SYCP2: variants seen among roughly 807,000 people sequenced by gnomAD.
The protein encoded by SYCP2 is synaptonemal complex protein 2.
In SYCP2, 55 loss-of-function variants were observed where a neutral mutation model predicts 211.3. That is an observed-to-expected ratio of 0.26 (90% confidence interval 0.21 to 0.33). The LOEUF (loss-of-function observed/expected upper bound fraction) is 0.33. SYCP2 is among the 10% of genes least tolerant of loss of function. The pLI is 1.00. For synonymous variants in SYCP2, 570 were observed against 555.2 expected, an observed-to-expected ratio of 1.03 and a Z score of -0.37; for missense variants, 1,731 against 1,752.0, an observed-to-expected ratio of 0.99 and a Z score of 0.21.
intron 15 of SYCP2, among the ~76,000 whole-genome samples, chr20:59,904,171 C>T (rs2060169716): frequency 6.6e-6 from 1 of 152,134 alleles, no homozygotes; most frequent in Admixed American, 6.6e-5. Context: ...AGGAGCTGGA[C>T]CAAACCTGAT....
intron 1 of SYCP2, among the ~76,000 whole-genome samples, chr20:59,932,920 C>T (rs1047008482): frequency 6.6e-6 from 1 of 152,122 alleles, no homozygotes; most frequent in African/African-American, 2.4e-5. Context: ...TGCGCGCACT[C>T]CCTTCTTCCC....
At chr20:59,869,573 CTATT>C (rs2059410592) in intron 36 of SYCP2, among the ~76,000 whole-genome samples, 1 of 151,724 alleles carries the variant, frequency 6.6e-6, no homozygotes, top group Admixed American at 6.6e-5. Context: ...GGTATCCTCA[CTATT>C]TAAGACCTTA....
At chr20:59,896,325 C>T (rs1268803190) in intron 19 of SYCP2, 104 bp downstream of exon 19, 12 of 621,208 alleles carry the variant, frequency 1.9e-5, no homozygotes, top group East Asian at 2.8e-5. Context: ...AATTTTTATA[C>T]ACCAAACTTA....
At chr20:59,926,223 C>CAA (rs1423515655) in intron 2 of SYCP2, among the ~76,000 whole-genome samples, 11 of 152,188 alleles carry the variant, frequency 7.2e-5, no homozygotes, top group African/African-American at 2.6e-4. Flanking sequence ...TGTGGACTCT[C>CAA]ACTGTATTAA....
chr20:59,919,504 C>A lies in SYCP2; in HGVS notation c.391G>T (p.Asp131Tyr). 1 of 1,581,762 alleles carries A rather than the reference C, an allele frequency of 6.3e-7. No individual in the cohort carries two copies. Among genetic ancestry groups the A allele is most frequent in the East Asian group, 2.3e-5 (1 of 44,352 alleles). Residue 131 changes from aspartate to tyrosine, a missense_variant, in exon 6 of 45, where the codon GAT (aspartate) becomes TAT (tyrosine). Asp to Tyr is a radical substitution (Grantham distance 160). Coordinates refer to ENST00000357552, the MANE Select transcript of SYCP2 (RefSeq NM_014258.4). ...AVLNMIEDLV[D>Y]LLLVIHDVSD... ...AATGTGATTTTTACCAGCAGAAGAT[C>A]AACTAAGTCTTCTATCATATTTAGA...
In SYCP2 at chr20:59,892,334, T is replaced by C; in HGVS notation, c.2020A>G (p.Lys674Glu). Residue 674 changes from lysine (K) to glutamate (E), a missense_variant, in exon 24 of 45, where the codon AAA becomes GAA. Coordinates refer to ENST00000357552, the MANE Select transcript of SYCP2 (RefSeq NM_014258.4). ...SEGTGKVKYK[K>E]EQTDHIKIDK... ...ATTTTGATATGGTCGGTTTGTTCTT[T>C]CTTATATTTCACTTTTCCTGTTCCT... The C allele has an allele frequency of 6.2e-6, 10 of 1,607,320 alleles. No homozygotes were observed. Among genetic ancestry groups the C allele is most frequent in the Non-Finnish European group, 8.5e-6 (10 of 1,176,042 alleles).
chr20:59,887,002 GATA>G (rs1268691859), intron 24 of SYCP2, among the ~76,000 whole-genome samples, 168 bp from the exon 25 acceptor site: 4 of 149,708 alleles, frequency 2.7e-5, no homozygotes, highest in African/African-American at 1.0e-4. Flanking sequence ...ATTAAAATAA[GATA>G]ATTTTTTTTA....
At chr20:59,879,846 T>A (rs891339160) in intron 31 of SYCP2, among the ~76,000 whole-genome samples, 107 of 115,046 alleles carry the variant, frequency 9.3e-4, no homozygotes, top group African/African-American at 4.0e-3. Context: ...TATATATATA[T>A]ATATATATAT....
chr20:59,893,229 AT>A (rs776612764), intron 21 of SYCP2, 30 bp from the exon 22 acceptor site: 6 of 1,471,472 alleles, frequency 4.1e-6, no homozygotes, highest in African/African-American at 1.4e-5. Context: ...TAATATTTTC[AT>A]TTTTTTCATG....
chr20:59,870,135 A>C (rs183791243), intron 35 of SYCP2, 152 bp from the exon 36 acceptor site: 215 of 541,828 alleles, frequency 4.0e-4, no homozygotes, highest in Admixed American at 6.1e-4. Context: ...ATAACTAAAA[A>C]TAAAAAATCC....
At chr20:59,913,953 T>C (rs777020195) in intron 12 of SYCP2, 22 bp downstream of exon 12, 3 of 1,574,456 alleles carry the variant, frequency 1.9e-6, no homozygotes, top group South Asian at 2.4e-5. Context: ...CAGTAAATGG[T>C]TGTATCTTGC....
chr20:59,869,762 G>A lies in SYCP2; in HGVS notation c.3741+36C>T, dbSNP rs747573136. Reference sequence around the variant, plus strand: ...TGAGTCTTATAAGAACCATCTTAGTGTAAGGAAAATTTATAAGTTATAGTC... The same window carrying A: ...TGAGTCTTATAAGAACCATCTTAGTATAAGGAAAATTTATAAGTTATAGTC... On this transcript the variant is annotated intron_variant, in intron 36 of 44. Transcript: ENST00000357552. 11 of 1,346,484 alleles carry A rather than the reference G, an allele frequency of 8.2e-6. 1 individual carries two copies. The South Asian group carries it at 1.4e-4, about 18-fold the overall frequency. The allele number at this position is 1,346,484 out of a possible 1,614,324, so 83.4% of individuals were successfully genotyped here. A position where few individuals can be genotyped will look rare whatever the true frequency, so the allele number is the denominator to read the frequency against.
chr20:59,900,749 A>G lies in SYCP2; in HGVS notation c.1252T>C (p.Ser418Pro). The G allele has an allele frequency of 6.2e-7, 1 of 1,612,370 alleles. No homozygotes were observed. The highest frequency in any genetic ancestry group is 1.1e-5 in the South Asian group (1 of 90,980). The change falls in exon 17 of 45, where the codon TCA becomes CCA. Residue 418 changes from serine (S) to proline (P), a missense_variant. Physicochemically the swap from Ser to Pro is moderately conservative, Grantham distance 74 (BLOSUM62 -1). Transcript: ENST00000357552. ...CAAGTAAGTCTGAGACATACCTGTG[A>G]TCCACTTGCGTCAAAAAGTATATGC... ...SLHILFDASG[S>P]QILVPESQIS...
At chr20:59,870,434 A>T (rs191249356) in intron 35 of SYCP2, among the ~76,000 whole-genome samples, 2,123 of 151,876 alleles carry the variant, frequency 0.014, 59 homozygotes, top group African/African-American at 0.048. Flanking sequence ...TGTAATTTTT[A>T]AAAAAAGTCT....
chr20:59,910,360 T>C (rs2060293254), intron 14 of SYCP2, among the ~76,000 whole-genome samples: 2 of 150,370 alleles, frequency 1.3e-5, no homozygotes, highest in East Asian at 3.9e-4. Flanking sequence ...TATACTGCTA[T>C]AGTGTAATTG....
At chr20:59,870,373 A>C (rs1455410825) in intron 35 of SYCP2, among the ~76,000 whole-genome samples, 1 of 151,732 alleles carries the variant, frequency 6.6e-6, no homozygotes, top group Non-Finnish European at 1.5e-5. Context: ...AGGTTGTTGG[A>C]GATAAAACAA....
rs1446127710 is a variant in SYCP2, at chr20:59,868,412, C to A, written c.3988+1G>T. 6.2e-7 allele frequency: 1 copy of A among 1,609,010 alleles called. No individual in the cohort carries two copies. The highest frequency in any genetic ancestry group is 2.2e-5 in the East Asian group (1 of 44,734). ...TTGATACAGGCTACTGATCTACCTACTTTTGTGGATATGATGATCTGCATC... is the reference window on the plus strand; with the variant it reads ...TTGATACAGGCTACTGATCTACCTAATTTTGTGGATATGATGATCTGCATC... On this transcript the variant is annotated splice_donor_variant, in intron 38 of 44. Coordinates refer to ENST00000357552, the MANE Select transcript of SYCP2 (RefSeq NM_014258.4). LOFTEE classifies it high-confidence loss of function.
chr20:59,890,423 A>G (rs1395839443), intron 24 of SYCP2, among the ~76,000 whole-genome samples: 1 of 152,116 alleles, frequency 6.6e-6, no homozygotes, highest in African/African-American at 2.4e-5. Context: ...GGGGAGGGAT[A>G]GCATTAGGAG....
At position 59,863,665 on chromosome 20, in the gene SYCP2, T is replaced by G. The variant is rs1451773936; in HGVS notation, c.*646A>C. 1.3e-5 allele frequency: 2 copies of G among 151,996 alleles called. No homozygotes were observed. Among genetic ancestry groups the G allele is most frequent in the Non-Finnish European group, 2.9e-5 (2 of 67,912 alleles). 9.4% of individuals were successfully genotyped at this position (151,996 alleles called of 1,614,324 possible). A position where few individuals can be genotyped will look rare whatever the true frequency, so the allele number is the denominator to read the frequency against. ...TTTTATAAATTAATCTAGCAAGATA[T>G]TACAATGACTACTAGATTAAAAGTA... On this transcript the variant is annotated 3_prime_UTR_variant, in exon 45 of 45. Transcript: ENST00000357552.
Sources: allele counts gnomAD v4.1 joint callset (sites outside exome capture counted in the v4.1 genomes callset), GRCh38; gene constraint gnomAD v4.1.1; transcripts MANE v1.5; gene names NCBI Gene and HGNC (gene_info 2026-07-23, HGNC 2026-07-21).